Variants in METTL15 observed in about 807,000 individuals in gnomAD.
METTL15 encodes the protein 12S rRNA N(4)-cytidine methyltransferase METTL15.
Under a neutral mutation model 38.3 loss-of-function variants are expected in METTL15, and 34 were observed. The observed-to-expected ratio is 0.89, with a 90% CI of 0.68 to 1.18. METTL15 has a LOEUF of 1.18. Among genes scored for constraint, METTL15 ranks in the 50% most tolerant of loss-of-function variants. METTL15 has a pLI of 0.00. For missense variants in METTL15, 438 were observed against 498.4 expected (o/e 0.88, Z 1.15); for synonymous variants, 162 against 170.9 (o/e 0.95, Z 0.41).
intron 4 of METTL15, among the ~76,000 whole-genome samples, chr11:28,258,141 G>T (rs778150903): frequency 2.6e-5 from 4 of 152,198 alleles, no homozygotes; most frequent in Admixed American, 6.5e-5. Context: ...AAGAGGTACT[G>T]CCTTGATGGT....
At chr11:28,374,277 C>T (rs996248703) in intron 5 of METTL15, among the ~76,000 whole-genome samples, 125 of 152,138 alleles carry the variant, frequency 8.2e-4, no homozygotes, top group African/African-American at 2.7e-3. Flanking sequence ...TTTCAGGATA[C>T]TGATTCTTCC....
intron 4 of METTL15, among the ~76,000 whole-genome samples, chr11:28,272,010 A>G (rs1215218950): frequency 2.0e-5 from 3 of 152,238 alleles, no homozygotes; most frequent in Non-Finnish European, 4.4e-5. Flanking sequence ...AATCAAAACC[A>G]CAATGAGATA....
chr11:28,158,629 A>G (rs972958114), intron 3 of METTL15, among the ~76,000 whole-genome samples: 3 of 152,150 alleles, frequency 2.0e-5, no homozygotes, highest in East Asian at 3.9e-4. Flanking sequence ...CCTGCACACA[A>G]TGCTTCTGCC....
chr11:28,141,058 G>C (rs1484298098), intron 3 of METTL15, among the ~76,000 whole-genome samples: 1 of 152,210 alleles, frequency 6.6e-6, no homozygotes, highest in Non-Finnish European at 1.5e-5. Context: ...AGTTGCAGCA[G>C]AGATAGTGTT....
intron 6 of METTL15, among the ~76,000 whole-genome samples, chr11:28,324,926 C>T (rs748770913): frequency 2.0e-5 from 3 of 152,140 alleles, no homozygotes; most frequent in Non-Finnish European, 4.4e-5. Context: ...CTACACTGTT[C>T]GCCTTTATTT....
Position 28,196,451 on chromosome 11 carries a change from G to GT in METTL15, c.271-14603dup, listed in dbSNP as rs200993123. Among the ~76,000 whole-genome samples the GT allele has an allele frequency of 1.5e-4, 22 of 150,786 alleles. 1 individual carries two copies. Among genetic ancestry groups the GT allele is most frequent in the East Asian group, 1.2e-3 (6 of 5,114 alleles). The stretch of plus-strand genomic sequence containing the variant: ...TAATATATTAAGTTTCTTTGTTTTC[G>GT]TTTTTTTTGCAGCTCTTGTAAAAGG... On this transcript the variant is annotated intron_variant, in intron 3 of 6. Coordinates refer to ENST00000407364, the MANE Select transcript of METTL15 (RefSeq NM_001113528.2).
At chr11:28,274,920 G>T (rs1373552279) in intron 4 of METTL15, among the ~76,000 whole-genome samples, 1 of 151,150 alleles carries the variant, frequency 6.6e-6, no homozygotes, top group Non-Finnish European at 1.5e-5. Context: ...ATGTACCCTA[G>T]AACTTAAAGT....
intron 3 of METTL15, among the ~76,000 whole-genome samples, chr11:28,116,934 A>T (rs377763045): frequency 5.9e-5 from 9 of 152,238 alleles, no homozygotes; most frequent in African/African-American, 1.9e-4. Context: ...CTGCACCCAG[A>T]TAAACCCAGT....
intron 4 of METTL15, among the ~76,000 whole-genome samples, chr11:28,252,630 G>A (rs1854794447): frequency 6.6e-6 from 1 of 151,922 alleles, no homozygotes; most frequent in South Asian, 2.1e-4. Context: ...AGTGAACTTT[G>A]CTTCTAGAAT....
intron 4 of METTL15, among the ~76,000 whole-genome samples, chr11:28,225,799 T>G (rs1426153278): frequency 6.6e-6 from 1 of 151,888 alleles, no homozygotes; most frequent in African/African-American, 2.4e-5. Flanking sequence ...TTATTTCTAT[T>G]TTCTACCCTA....
At chr11:28,239,860 TACA>T (rs1190774376) in intron 4 of METTL15, among the ~76,000 whole-genome samples, 2 of 152,228 alleles carry the variant, frequency 1.3e-5, no homozygotes, top group African/African-American at 2.4e-5. Context: ...TATTTTGTTA[TACA>T]ACATCACCCT....
intron 2 of METTL15, among the ~76,000 whole-genome samples, chr11:28,112,139 C>G (rs530015192): frequency 1.3e-5 from 2 of 151,890 alleles, no homozygotes; most frequent in Non-Finnish European, 2.9e-5. Flanking sequence ...TTTTTTATTG[C>G]AAAAGGAAAG....
At chr11:28,393,150 T>C (rs1021464362) in intron 5 of METTL15, among the ~76,000 whole-genome samples, 1 of 152,110 alleles carries the variant, frequency 6.6e-6, no homozygotes, top group Non-Finnish European at 1.5e-5. Flanking sequence ...AATTGCCATA[T>C]GATCCTTCAA....
intron 6 of METTL15, among the ~76,000 whole-genome samples, chr11:28,491,229 A>G (rs1289364649): frequency 6.6e-6 from 1 of 152,164 alleles, no homozygotes; most frequent in Non-Finnish European, 1.5e-5. Flanking sequence ...ATAAGAGTAC[A>G]AAGCTGTAGT....
At chr11:28,411,684 T>A (rs886781015) in intron 5 of METTL15, among the ~76,000 whole-genome samples, 4 of 151,950 alleles carry the variant, frequency 2.6e-5, no homozygotes, top group African/African-American at 9.7e-5. Context: ...TTGACAATGA[T>A]TTTTTCTTTA....
chr11:28,198,207 A>T (rs559017623), intron 3 of METTL15, among the ~76,000 whole-genome samples: 1 of 152,154 alleles, frequency 6.6e-6, no homozygotes, highest in Non-Finnish European at 1.5e-5. Context: ...GTGAAATTAG[A>T]TTTTTGAGAT....
At chr11:28,184,626 T>C (rs1425218303) in intron 3 of METTL15, among the ~76,000 whole-genome samples, 2 of 151,558 alleles carry the variant, frequency 1.3e-5, no homozygotes, top group Non-Finnish European at 3.0e-5. Flanking sequence ...GTACAGTACT[T>C]AGCTTACAAT....
intron 6 of METTL15, among the ~76,000 whole-genome samples, chr11:28,519,524 C>G (rs1177433456): frequency 6.6e-6 from 1 of 151,034 alleles, no homozygotes; most frequent in Non-Finnish European, 1.5e-5. Context: ...CACTGCACTC[C>G]AGCCTGGGCG....
chr11:28,186,412 T>G (rs968285901), intron 3 of METTL15, among the ~76,000 whole-genome samples: 26 of 151,312 alleles, frequency 1.7e-4, no homozygotes, highest in Non-Finnish European at 3.6e-4. Flanking sequence ...CTTAATAATC[T>G]TTCTTTACAG....
Sources: allele counts gnomAD v4.1 joint callset (sites outside exome capture counted in the v4.1 genomes callset), GRCh38; gene constraint gnomAD v4.1.1; transcripts MANE v1.5; gene names NCBI Gene and HGNC (gene_info 2026-07-23, HGNC 2026-07-21).